Variants in GREM2 observed in about 807,000 individuals in gnomAD.
GREM2 encodes the protein gremlin-2.
Under a neutral mutation model 14.2 loss-of-function variants are expected in GREM2, and 11 were observed. The ratio of observed to expected loss-of-function variants is 0.78; its 90% CI spans 0.49 to 1.28. The LOEUF (loss-of-function observed/expected upper bound fraction) is 1.28. Among genes scored for constraint, GREM2 ranks in the 50% most tolerant of loss-of-function variants. GREM2 has a pLI of 0.00. For synonymous variants in GREM2, 98 were observed against 97.6 expected, an observed-to-expected ratio of 1.00 and a Z score of -0.02; for missense variants, 210 against 218.5, an observed-to-expected ratio of 0.96 and a Z score of 0.24.
intron 1 of GREM2, among the ~76,000 whole-genome samples, chr1:240,497,521 G>A (rs1677455316): frequency 6.6e-6 from 1 of 151,926 alleles, no homozygotes; most frequent in African/African-American, 2.4e-5. Flanking sequence ...CAAGTAAGTG[G>A]GTCCCTTGAA....
intron 1 of GREM2, among the ~76,000 whole-genome samples, chr1:240,589,757 T>C (rs901903287): frequency 1.3e-5 from 2 of 152,124 alleles, no homozygotes; most frequent in Non-Finnish European, 2.9e-5. Flanking sequence ...ATAGGTATAG[T>C]TCAAGGCAGA....
rs1678552543 is a variant in GREM2 at position 240,540,077 on chromosome 1, A to T, written c.-1-46601T>A. Among the ~76,000 whole-genome samples, 1 of 152,054 alleles carries T rather than the reference A, an allele frequency of 6.6e-6. No homozygotes were observed. The highest frequency in any genetic ancestry group is 2.1e-4 in the South Asian group (1 of 4,822). On this transcript the variant is annotated intron_variant, in intron 1 of 1. Transcript: ENST00000318160. The surrounding 1 kb of genome is among the most constrained non-coding windows in gnomAD (Gnocchi z 4.2). ...CATTAGCTTGGCATAGCTGACAGCCACTCTGTTCCTATACCCCTGACTAAA... is the reference window on the plus strand; with the variant it reads ...CATTAGCTTGGCATAGCTGACAGCCTCTCTGTTCCTATACCCCTGACTAAA...
At chr1:240,498,152 A>G (rs1677474742) in intron 1 of GREM2, among the ~76,000 whole-genome samples, 1 of 152,192 alleles carries the variant, frequency 6.6e-6, no homozygotes, top group South Asian at 2.1e-4. Context: ...CTTAGGGCCA[A>G]TAGTATTAGA....
intron 1 of GREM2, among the ~76,000 whole-genome samples, chr1:240,564,370 C>T (rs567866999): frequency 4.0e-5 from 6 of 151,420 alleles, no homozygotes; most frequent in African/African-American, 1.5e-4. Flanking sequence ...TAGCCAGGTG[C>T]AGTCACATGC....
intron 1 of GREM2, among the ~76,000 whole-genome samples, chr1:240,597,309 C>T (rs1679838058): frequency 6.6e-6 from 1 of 152,254 alleles, no homozygotes; most frequent in Admixed American, 6.5e-5. Context: ...ATGCCACAAA[C>T]TGTATGCCTG....
At chr1:240,555,323 T>A (rs976173438) in intron 1 of GREM2, among the ~76,000 whole-genome samples, 1 of 152,194 alleles carries the variant, frequency 6.6e-6, no homozygotes, top group Non-Finnish European at 1.5e-5. Flanking sequence ...GGTTTTGACA[T>A]CTGTAATGCT....
intron 1 of GREM2, among the ~76,000 whole-genome samples, chr1:240,508,018 A>G (rs79554393): frequency 1.3e-5 from 2 of 152,158 alleles, no homozygotes; most frequent in East Asian, 3.8e-4. Flanking sequence ...GAAAAGCTAA[A>G]CAATGAGGTA....
chr1:240,584,977 C>A (rs1055604209), intron 1 of GREM2, among the ~76,000 whole-genome samples: 1 of 151,974 alleles, frequency 6.6e-6, no homozygotes, highest in Non-Finnish European at 1.5e-5. Context: ...TTTGTAGTTT[C>A]CCTTCCATTT....
Position 240,492,916 on chromosome 1 carries a change from G to T in GREM2, c.*53C>A, listed in dbSNP as rs1444062640. 1.9e-5 allele frequency: 25 copies of T among 1,347,924 alleles called. No homozygotes were observed. Among genetic ancestry groups the T allele is most frequent in the Admixed American group, 7.4e-5 (2 of 27,138 alleles). 83.5% of individuals were successfully genotyped at this position (1,347,924 alleles called of 1,614,324 possible). ...GAGGGCAGGGACAGAGGCGGCGGCG[G>T]CGCCACCCAGCGGCCGGGCGCGCGC... On this transcript the variant is annotated 3_prime_UTR_variant, in exon 2 of 2. Transcript: ENST00000318160.
At chr1:240,499,743 A>G (rs986923528) in intron 1 of GREM2, among the ~76,000 whole-genome samples, 3 of 152,240 alleles carry the variant, frequency 2.0e-5, no homozygotes, top group Non-Finnish European at 4.4e-5. Flanking sequence ...AAGGCAAACT[A>G]TGGCCCACAG....
chr1:240,497,133 T>C (rs1677442156), intron 1 of GREM2, among the ~76,000 whole-genome samples: 1 of 152,118 alleles, frequency 6.6e-6, no homozygotes, highest in African/African-American at 2.4e-5. Flanking sequence ...GACAAAGGTA[T>C]TTAGGAAGAA....
chr1:240,585,653 C>T (rs2153291), intron 1 of GREM2, among the ~76,000 whole-genome samples: 8 of 145,770 alleles, frequency 5.5e-5, no homozygotes, highest in East Asian at 4.2e-4. Context: ...TCGCTTGAAC[C>T]TGGGAGGCGG....
At chr1:240,562,929 T>A (rs916099335) in intron 1 of GREM2, among the ~76,000 whole-genome samples, 1 of 146,218 alleles carries the variant, frequency 6.8e-6, no homozygotes, top group African/African-American at 2.7e-5. Flanking sequence ...TGTATGTGTA[T>A]GTGTGTGAGT....
chr1:240,514,505 A>C (rs1677907633), intron 1 of GREM2, among the ~76,000 whole-genome samples: 1 of 152,220 alleles, frequency 6.6e-6, no homozygotes, highest in Non-Finnish European at 1.5e-5. Flanking sequence ...AACAATGCTT[A>C]AAGTTAGGGA....
chr1:240,562,865 T>C (rs1016399530), intron 1 of GREM2, among the ~76,000 whole-genome samples: 9 of 151,066 alleles, frequency 6.0e-5, no homozygotes, highest in Non-Finnish European at 8.8e-5. Context: ...TGTATGTGTA[T>C]ATGTGAGTGT....
chr1:240,516,037 C>G (rs557121552), intron 1 of GREM2, among the ~76,000 whole-genome samples: 55 of 152,176 alleles, frequency 3.6e-4, no homozygotes, highest in Admixed American at 5.9e-4. Context: ...ACCTCCCATA[C>G]AGTCCCCCGC....
chr1:240,592,000 G>A (rs1425886375), intron 1 of GREM2, among the ~76,000 whole-genome samples: 2 of 152,162 alleles, frequency 1.3e-5, no homozygotes, highest in African/African-American at 4.8e-5. Flanking sequence ...CTGGTTCCAA[G>A]GATATAAAAG....
intron 1 of GREM2, among the ~76,000 whole-genome samples, chr1:240,516,125 G>A (rs1677950666): frequency 9.2e-6 from 1 of 109,170 alleles, no homozygotes; most frequent in East Asian, 2.9e-4. Context: ...CTCCAACCCT[G>A]ACTTTTTTTT....
Position 240,587,674 on chromosome 1 carries a change from T to C in GREM2, c.-2+24210A>G, listed in dbSNP as rs1270814101. Among the ~76,000 whole-genome samples, 5 of 152,208 alleles carry C rather than the reference T, an allele frequency of 3.3e-5. No individual in the cohort carries two copies. In the East Asian group the frequency reaches 9.6e-4, roughly 29 times the overall value. ...GTAAATAGCTTTAATATACTATTCT[T>C]ATTAGCTGCATTATGTTACATTGTG... On this transcript the variant is annotated intron_variant, in intron 1 of 1. Coordinates refer to ENST00000318160, the MANE Select transcript of GREM2 (RefSeq NM_022469.4).
Sources: gnomAD v4.1 joint callset for allele counts (sites outside exome capture counted in the v4.1 genomes callset) on GRCh38, gnomAD v4.1.1 for gene constraint, Gnocchi (gnomAD v3.1) non-coding constraint, MANE v1.5 for transcripts, NCBI Gene and HGNC (gene_info 2026-07-23, HGNC 2026-07-21) for gene names.